Variants in CSMD1 observed in about 807,000 individuals in gnomAD.
CSMD1 encodes CUB and sushi domain-containing protein 1.
A neutral mutation model predicts 417.5 loss-of-function variants in CSMD1; 213 were observed. The observed-to-expected ratio is 0.51, with a 90% CI of 0.46 to 0.57. CSMD1 has a LOEUF of 0.57. CSMD1 is among the 20% of genes least tolerant of loss of function. CSMD1 has a pLI of 0.00. For synonymous variants in CSMD1, 2,862 were observed against 1,736.8 expected, an observed-to-expected ratio of 1.65 and a Z score of -16.11; for missense variants, 6,923 against 4,529.7, an observed-to-expected ratio of 1.53 and a Z score of -15.17.
chr8:4,038,015 A>C, intron 3 of CSMD1, among the ~76,000 whole-genome samples: 1 of 152,292 alleles, frequency 6.6e-6, no homozygotes, highest in African/African-American at 2.4e-5. Context: ...TTATTCCCAC[A>C]CTTGGTAAAA....
chr8:4,477,576 T>A (rs1333303223), intron 2 of CSMD1, among the ~76,000 whole-genome samples: 1 of 152,176 alleles, frequency 6.6e-6, no homozygotes, highest in African/African-American at 2.4e-5. Flanking sequence ...TTTTTAAAAA[T>A]TGCGAGTTGA....
chr8:3,178,009 G>C (rs1453245182), intron 37 of CSMD1, among the ~76,000 whole-genome samples: 1 of 152,160 alleles, frequency 6.6e-6, no homozygotes, highest in Non-Finnish European at 1.5e-5. Flanking sequence ...AATGGCTATA[G>C]AATATATTAA....
At chr8:4,718,236 C>T (rs1808816095) in intron 1 of CSMD1, among the ~76,000 whole-genome samples, 1 of 152,186 alleles carries the variant, frequency 6.6e-6, no homozygotes, top group South Asian at 2.1e-4. Flanking sequence ...CTCAGCCTCC[C>T]AAAATGTTGG....
intron 3 of CSMD1, among the ~76,000 whole-genome samples, chr8:4,304,113 C>T (rs1798125311): frequency 6.6e-6 from 1 of 152,098 alleles, no homozygotes; most frequent in Non-Finnish European, 1.5e-5. Context: ...AAATTAACCA[C>T]TGTTATTTAG....
chr8:4,178,176 C>T (rs184405865), intron 3 of CSMD1, among the ~76,000 whole-genome samples: 3 of 152,202 alleles, frequency 2.0e-5, no homozygotes, highest in African/African-American at 7.2e-5. Flanking sequence ...ATGCAGAAAC[C>T]CTCAATACGA....
At chr8:4,510,841 C>G (rs1031814289) in intron 2 of CSMD1, among the ~76,000 whole-genome samples, 1 of 139,938 alleles carries the variant, frequency 7.1e-6, no homozygotes, top group Admixed American at 7.1e-5. Context: ...TTCCTCCCTC[C>G]CTCCTCCCTC....
chr8:3,574,643 A>G (rs192606502), intron 10 of CSMD1, among the ~76,000 whole-genome samples: 163 of 152,328 alleles, frequency 1.1e-3, no homozygotes, highest in African/African-American at 3.8e-3. Context: ...AGCTTGTAAT[A>G]TAGTGGATGA....
chr8:4,449,071 CTCTT>C (rs574117212), intron 2 of CSMD1, among the ~76,000 whole-genome samples: 285 of 152,280 alleles, frequency 1.9e-3, no homozygotes, highest in African/African-American at 5.8e-3. Flanking sequence ...TGCTATAAAC[CTCTT>C]TCTAAGGAGA....
intron 31 of CSMD1, 51 bp downstream of exon 31, chr8:3,205,453 A>C (rs1384964737): frequency 2.6e-5 from 24 of 919,130 alleles, no homozygotes; most frequent in Non-Finnish European, 3.9e-5. Flanking sequence ...CAGAAAAATT[A>C]ACACTGAAAG....
At chr8:3,519,340 A>G (rs567159348) in intron 10 of CSMD1, among the ~76,000 whole-genome samples, 1 of 152,346 alleles carries the variant, frequency 6.6e-6, no homozygotes, top group Non-Finnish European at 1.5e-5. Context: ...ATAAAAATTT[A>G]TCTGCAGAAA....
Position 4,393,584 on chromosome 8 carries a change from C to T in CSMD1, c.415+26369G>A, listed in dbSNP as rs78728205. 2.1e-4 allele frequency among the ~76,000 whole-genome samples: 32 copies of T among 152,262 alleles called. No individual in the cohort carries two copies. The East Asian group carries it at 4.3e-3, about 20-fold the overall frequency. On this transcript the variant is annotated intron_variant, in intron 3 of 69. Coordinates refer to ENST00000635120, the MANE Select transcript of CSMD1 (RefSeq NM_033225.6). ...AGCAAGAGAAAGGCCTTCTGACTCTCGTTTCCAATTAATGAGTTTGGTAAA... is the reference window on the plus strand; with the variant it reads ...AGCAAGAGAAAGGCCTTCTGACTCTTGTTTCCAATTAATGAGTTTGGTAAA...
intron 10 of CSMD1, among the ~76,000 whole-genome samples, chr8:3,530,103 T>C (rs568197596): frequency 3.7e-4 from 56 of 152,328 alleles, no homozygotes; most frequent in Non-Finnish European, 6.9e-4. Context: ...GTTTCAATTT[T>C]ATTGATCTTT....
At chr8:4,598,478 T>C (rs1004270118) in intron 2 of CSMD1, among the ~76,000 whole-genome samples, 12 of 152,212 alleles carry the variant, frequency 7.9e-5, no homozygotes, top group African/African-American at 2.9e-4. Context: ...TGGTGGCTGA[T>C]GGATGACCAC....
intron 11 of CSMD1, among the ~76,000 whole-genome samples, chr8:3,493,161 G>A (rs1796206302): frequency 6.6e-6 from 1 of 151,866 alleles, no homozygotes. Flanking sequence ...TGGCATGATG[G>A]CACACACCTG....
intron 5 of CSMD1, among the ~76,000 whole-genome samples, chr8:3,914,322 G>GTATCTT (rs2129140765): frequency 5.3e-5 from 8 of 151,988 alleles, no homozygotes. Context: ...ACGAGGAAGA[G>GTATCTT]AATGGGGCCT....
At chr8:3,186,185 T>G (rs1018104409) in intron 36 of CSMD1, among the ~76,000 whole-genome samples, 1 of 152,174 alleles carries the variant, frequency 6.6e-6, no homozygotes, top group Non-Finnish European at 1.5e-5. Context: ...GTTGATGATG[T>G]TTTTAATGAG....
intron 12 of CSMD1, among the ~76,000 whole-genome samples, chr8:3,439,309 A>ATATATATATATATATATATT: frequency 6.9e-4 from 43 of 62,386 alleles, no homozygotes; most frequent in African/African-American, 1.0e-3. Context: ...ATATATATAT[A>ATATATATATATATATATATT]TTTTTTTTTT....
chr8:3,965,967 G>C (rs1050024691), intron 5 of CSMD1, among the ~76,000 whole-genome samples: 5 of 152,152 alleles, frequency 3.3e-5, no homozygotes, highest in African/African-American at 1.2e-4. Flanking sequence ...TTTTGAGAAA[G>C]CATAATTTAG....
intron 26 of CSMD1, among the ~76,000 whole-genome samples, chr8:3,273,561 C>A (rs1185312122): frequency 6.6e-6 from 1 of 152,148 alleles, no homozygotes; most frequent in Non-Finnish European, 1.5e-5. Flanking sequence ...CCATCTGGTC[C>A]TGCACTCTTT....
Sources: gnomAD v4.1 joint callset for allele counts (sites outside exome capture counted in the v4.1 genomes callset) on GRCh38, gnomAD v4.1.1 for gene constraint, MANE v1.5 for transcripts, NCBI Gene and HGNC (gene_info 2026-07-23, HGNC 2026-07-21) for gene names.